Variants in MYO3B observed in about 807,000 individuals in gnomAD.
MYO3B encodes myosin-IIIb.
In MYO3B, 156 loss-of-function variants were observed where a neutral mutation model predicts 174.6. The ratio of observed to expected loss-of-function variants is 0.89; its 90% CI spans 0.78 to 1.02. MYO3B has a LOEUF of 1.02. MYO3B is among the 50% of genes least tolerant of loss of function. The pLI is 0.00. For synonymous variants in MYO3B, 563 were observed against 569.1 expected (o/e 0.99, Z 0.15); for missense variants, 1,632 against 1,639.4 (o/e 1.00, Z 0.08).
At chr2:170,640,368 A>G (rs956238820) in intron 32 of MYO3B, 1 of 152,154 alleles carries the variant, frequency 6.6e-6, no homozygotes, top group Non-Finnish European at 1.5e-5. Context: ...TTCATATATT[A>G]TCTGTCATTC....
chr2:170,436,260 G>C (rs947323700), intron 22 of MYO3B, among the ~76,000 whole-genome samples: 3 of 152,034 alleles, frequency 2.0e-5, no homozygotes, highest in African/African-American at 7.2e-5. Flanking sequence ...GGCTGTCTAG[G>C]GGGTGAAGCA....
chr2:170,613,374 G>A (rs1028810889), intron 32 of MYO3B, among the ~76,000 whole-genome samples: 20 of 152,272 alleles, frequency 1.3e-4, no homozygotes, highest in African/African-American at 4.6e-4. Flanking sequence ...GAACTCTGAC[G>A]CACACCTCAG....
intron 29 of MYO3B, among the ~76,000 whole-genome samples, chr2:170,518,013 GTA>G (rs1491050449): frequency 6.7e-6 from 1 of 148,870 alleles, no homozygotes; most frequent in Non-Finnish European, 1.5e-5. Flanking sequence ...GTGTGTGTGT[GTA>G]ATAATAAAAA....
chr2:170,249,690 G>A (rs771674324), intron 7 of MYO3B, among the ~76,000 whole-genome samples: 12 of 152,192 alleles, frequency 7.9e-5, no homozygotes, highest in Non-Finnish European at 1.6e-4. Context: ...GTCTGGTTGG[G>A]TTTACAGATG....
intron 7 of MYO3B, among the ~76,000 whole-genome samples, chr2:170,244,758 A>C (rs1414833715): frequency 6.6e-6 from 1 of 152,208 alleles, no homozygotes; most frequent in African/African-American, 2.4e-5. Flanking sequence ...CATTGTAAAC[A>C]AGCCATGTCA....
chr2:170,475,522 T>C (rs559420867), intron 25 of MYO3B, among the ~76,000 whole-genome samples: 1 of 152,332 alleles, frequency 6.6e-6, no homozygotes, highest in South Asian at 2.1e-4. Flanking sequence ...CCCAAAGTGC[T>C]GGGATTACAG....
chr2:170,541,375 A>G (rs1293738852), intron 30 of MYO3B, among the ~76,000 whole-genome samples: 1 of 152,122 alleles, frequency 6.6e-6, no homozygotes, highest in Non-Finnish European at 1.5e-5. Context: ...GGTATAGAAT[A>G]TATTATGGTT....
intron 30 of MYO3B, among the ~76,000 whole-genome samples, chr2:170,540,581 T>C (rs1690024193): frequency 6.6e-6 from 1 of 152,086 alleles, no homozygotes; most frequent in African/African-American, 2.4e-5. Flanking sequence ...CTTTTTGTTA[T>C]TATTGTGCTT....
intron 32 of MYO3B, among the ~76,000 whole-genome samples, chr2:170,634,199 G>A (rs567581672): frequency 8.5e-5 from 13 of 152,212 alleles, no homozygotes; most frequent in South Asian, 2.1e-4. Context: ...GAAGAATCAC[G>A]CTACCGGACT....
At chr2:170,285,798 ATGT>A (rs1296003075) in intron 7 of MYO3B, among the ~76,000 whole-genome samples, 8 of 113,856 alleles carry the variant, frequency 7.0e-5, no homozygotes, top group South Asian at 3.4e-4. Flanking sequence ...GAAAGTCATA[ATGT>A]TGTATTTTTT....
chr2:170,639,461 C>T (rs78749914), intron 32 of MYO3B, among the ~76,000 whole-genome samples: 4 of 152,118 alleles, frequency 2.6e-5, no homozygotes, highest in African/African-American at 9.7e-5. Context: ...GTCATCTCCA[C>T]GTGAAAGTAC....
At chr2:170,569,891 T>A (rs1204930587) in intron 32 of MYO3B, among the ~76,000 whole-genome samples, 3 of 147,844 alleles carry the variant, frequency 2.0e-5, no homozygotes, top group African/African-American at 5.0e-5. Flanking sequence ...GTAAGAAAAC[T>A]GAGAGTCATG....
chr2:170,421,053 G>T (rs566306029), intron 22 of MYO3B, among the ~76,000 whole-genome samples: 4 of 152,086 alleles, frequency 2.6e-5, no homozygotes, highest in African/African-American at 9.7e-5. Context: ...TCTTTCCATC[G>T]TCTAGAGAGG....
intron 27 of MYO3B, among the ~76,000 whole-genome samples, chr2:170,501,143 A>T (rs1325371752): frequency 6.6e-6 from 1 of 152,104 alleles, no homozygotes; most frequent in Non-Finnish European, 1.5e-5. Flanking sequence ...TTGTATCTAA[A>T]GGGCTTACCA....
intron 7 of MYO3B, among the ~76,000 whole-genome samples, chr2:170,307,718 C>A (rs570185956): frequency 6.6e-6 from 1 of 152,326 alleles, no homozygotes; most frequent in Admixed American, 6.5e-5. Context: ...CATGATTGCT[C>A]TTGCAGAGCA....
intron 32 of MYO3B, among the ~76,000 whole-genome samples, chr2:170,609,337 C>T (rs1218182018): frequency 6.6e-6 from 1 of 152,248 alleles, no homozygotes; most frequent in East Asian, 1.9e-4. Flanking sequence ...GTCATACAAG[C>T]AGGTATTCCT....
At chr2:170,627,537 T>A (rs1337521736) in intron 32 of MYO3B, among the ~76,000 whole-genome samples, 1 of 152,230 alleles carries the variant, frequency 6.6e-6, no homozygotes, top group African/African-American at 2.4e-5. Context: ...ATCTGAAGCC[T>A]TCTTCTCTCA....
chr2:170,308,700 A>T (rs375466124), intron 7 of MYO3B, among the ~76,000 whole-genome samples: 6 of 152,070 alleles, frequency 3.9e-5, no homozygotes, highest in African/African-American at 1.4e-4. Flanking sequence ...TACCACTTTT[A>T]TTCTGTATTA....
intron 25 of MYO3B, 130 bp downstream of exon 25, chr2:170,466,841 T>C (rs572176308): frequency 3.2e-6 from 3 of 928,136 alleles, no homozygotes; most frequent in Non-Finnish European, 4.8e-6. Flanking sequence ...AGCTACCATT[T>C]ACTTGCTTGA....
Sources: gnomAD v4.1 joint callset for allele counts (sites outside exome capture counted in the v4.1 genomes callset) on GRCh38, gnomAD v4.1.1 for gene constraint, MANE v1.5 for transcripts, NCBI Gene and HGNC (gene_info 2026-07-23, HGNC 2026-07-21) for gene names.